The following GRID2 variants were observed in gnomAD, a reference collection of about 807,000 sequenced individuals.
GRID2 encodes glutamate receptor ionotropic, delta-2.
GRID2 carries 33 observed loss-of-function variants against 114.8 expected under a neutral mutation model. The observed-to-expected ratio is 0.29, with a 90% confidence interval of 0.22 to 0.38. GRID2 has a LOEUF of 0.38. Ranked by LOEUF, GRID2 falls within the 10% of genes least tolerant of loss-of-function variation. GRID2 has a pLI of 1.00. For synonymous variants in GRID2, 505 were observed against 449.9 expected, an observed-to-expected ratio of 1.12 and a Z score of -1.55; for missense variants, 1,184 against 1,257.7, an observed-to-expected ratio of 0.94 and a Z score of 0.89.
chr4:93,124,427 C>T (rs1343659471), intron 4 of GRID2, among the ~76,000 whole-genome samples: 2 of 152,066 alleles, frequency 1.3e-5, no homozygotes, highest in Non-Finnish European at 2.9e-5. Context: ...ATTTAATTTG[C>T]TTAGTACATA....
At chr4:92,562,937 C>T (rs1727166886) in intron 1 of GRID2, among the ~76,000 whole-genome samples, 1 of 152,124 alleles carries the variant, frequency 6.6e-6, no homozygotes, top group Non-Finnish European at 1.5e-5. Context: ...AATCACTTTA[C>T]AGTCTTATAT....
chr4:92,602,234 AAGAAAG>A (rs1476999421), intron 2 of GRID2, among the ~76,000 whole-genome samples: 2 of 151,512 alleles, frequency 1.3e-5, no homozygotes, highest in African/African-American at 4.8e-5. Flanking sequence ...AAAAGAAAAA[AAGAAAG>A]AAAAAGAAAA....
At chr4:93,630,275 A>G (rs550241556) in intron 14 of GRID2, among the ~76,000 whole-genome samples, 2 of 152,276 alleles carry the variant, frequency 1.3e-5, no homozygotes, top group South Asian at 4.2e-4. Flanking sequence ...ATTTGTCATC[A>G]GATGTTTTAT....
intron 2 of GRID2, among the ~76,000 whole-genome samples, chr4:92,863,722 C>T (rs948999398): frequency 2.0e-5 from 3 of 151,978 alleles, no homozygotes; most frequent in Non-Finnish European, 4.4e-5. Context: ...CTGAAAATTC[C>T]GTGCCACAGG....
chr4:92,806,757 T>C (rs1740435122), intron 2 of GRID2, among the ~76,000 whole-genome samples: 2 of 151,956 alleles, frequency 1.3e-5, no homozygotes, highest in South Asian at 4.1e-4. Flanking sequence ...CTTCTGCAAA[T>C]AAGTTTTAGT....
intron 2 of GRID2, among the ~76,000 whole-genome samples, chr4:92,828,917 C>A (rs1373319210): frequency 6.6e-6 from 1 of 151,892 alleles, no homozygotes; most frequent in African/African-American, 2.4e-5. Flanking sequence ...GATATTAGAC[C>A]TTTGTCAGAT....
chr4:93,141,231 G>T (rs187679259), intron 4 of GRID2, among the ~76,000 whole-genome samples: 11 of 151,884 alleles, frequency 7.2e-5, no homozygotes, highest in African/African-American at 2.7e-4. Flanking sequence ...TTAATTAATA[G>T]GTATCTGAGG....
chr4:92,630,455 C>G (rs1475207579), intron 2 of GRID2, among the ~76,000 whole-genome samples: 2 of 152,130 alleles, frequency 1.3e-5, no homozygotes, highest in African/African-American at 2.4e-5. Flanking sequence ...AGTAACTGCT[C>G]AAGTGTCATT....
chr4:92,808,823 G>T (rs888686425), intron 2 of GRID2, among the ~76,000 whole-genome samples: 1 of 151,154 alleles, frequency 6.6e-6, no homozygotes, highest in Non-Finnish European at 1.5e-5. Context: ...TCCCATGTTG[G>T]CTAACACTGA....
intron 1 of GRID2, among the ~76,000 whole-genome samples, chr4:92,545,183 C>A (rs2149166687): frequency 6.7e-6 from 1 of 150,290 alleles, no homozygotes; most frequent in African/African-American, 2.5e-5. Flanking sequence ...AACCTATTTT[C>A]AATTTGCTAT....
chr4:93,514,230 G>A (rs1729470579), intron 12 of GRID2, among the ~76,000 whole-genome samples: 1 of 152,010 alleles, frequency 6.6e-6, no homozygotes, highest in Admixed American at 6.6e-5. Flanking sequence ...AATATAGAGA[G>A]ACTCAGAAAC....
chr4:92,358,178 A>G (rs1336495533), intron 1 of GRID2, among the ~76,000 whole-genome samples: 2 of 152,018 alleles, frequency 1.3e-5, no homozygotes, highest in African/African-American at 4.8e-5. Context: ...TGGGATGCCT[A>G]GAGCATAGAA....
intron 2 of GRID2, among the ~76,000 whole-genome samples, chr4:92,785,426 C>A (rs1350310825): frequency 6.6e-6 from 1 of 150,894 alleles, no homozygotes; most frequent in Non-Finnish European, 1.5e-5. Context: ...ATTAAAACTG[C>A]AACTTAGTTT....
intron 2 of GRID2, among the ~76,000 whole-genome samples, chr4:93,026,674 A>G (rs1723911283): frequency 6.6e-6 from 1 of 151,712 alleles, no homozygotes; most frequent in Non-Finnish European, 1.5e-5. Flanking sequence ...CAGCATTATA[A>G]TTCCTTGAAA....
chr4:93,752,547 C>A (rs1231501435), intron 14 of GRID2, among the ~76,000 whole-genome samples: 5 of 151,840 alleles, frequency 3.3e-5, no homozygotes, highest in Non-Finnish European at 5.9e-5. Context: ...ATATTTTGTA[C>A]GTTTAGTAGA....
chr4:93,510,602 T>C (rs1057233242), intron 12 of GRID2, among the ~76,000 whole-genome samples: 7 of 152,118 alleles, frequency 4.6e-5, no homozygotes, highest in Admixed American at 2.6e-4. Flanking sequence ...TATCATAGAG[T>C]CACACAATCT....
chr4:92,329,080 A>T (rs368190901), intron 1 of GRID2, among the ~76,000 whole-genome samples: 3 of 152,006 alleles, frequency 2.0e-5, no homozygotes, highest in African/African-American at 7.2e-5. Flanking sequence ...GTGCATGCTA[A>T]TTTTACTTCA....
intron 14 of GRID2, among the ~76,000 whole-genome samples, chr4:93,743,155 T>G (rs1305953438): frequency 6.6e-6 from 1 of 152,226 alleles, no homozygotes; most frequent in African/African-American, 2.4e-5. Context: ...AATATTCCCT[T>G]AGGCCAAAGC....
intron 1 of GRID2, among the ~76,000 whole-genome samples, chr4:92,484,303 T>C (rs1722761395): frequency 6.6e-6 from 1 of 152,142 alleles, no homozygotes; most frequent in Non-Finnish European, 1.5e-5. Flanking sequence ...AGCTGCATAA[T>C]GATTCAGTAA....
Sources: gnomAD v4.1 joint callset for allele counts (sites outside exome capture counted in the v4.1 genomes callset) on GRCh38, gnomAD v4.1.1 for gene constraint, MANE v1.5 for transcripts, NCBI Gene and HGNC (gene_info 2026-07-23, HGNC 2026-07-21) for gene names.